Variants in CLYBL observed in about 807,000 individuals in gnomAD.
The protein encoded by CLYBL is citramalyl-CoA lyase, mitochondrial.
A neutral mutation model predicts 38.9 loss-of-function variants in CLYBL; 31 were observed. The observed-to-expected ratio is 0.80, with a 90% CI of 0.60 to 1.08. The LOEUF is 1.08. Ranked by LOEUF, CLYBL falls within the 50% of genes least tolerant of loss-of-function variation. The probability of loss-of-function intolerance (pLI) is 0.00; values close to 1 mark genes in which losing one functional copy is unlikely to be tolerated. For missense variants in CLYBL, 434 were observed against 411.6 expected, an observed-to-expected ratio of 1.05 and a Z score of -0.47; for synonymous variants, 171 against 158.6, an observed-to-expected ratio of 1.08 and a Z score of -0.59.
intron 4 of CLYBL, among the ~76,000 whole-genome samples, chr13:99,864,508 A>AAGAT (rs1159654650): frequency 6.6e-6 from 1 of 152,246 alleles, no homozygotes; most frequent in Non-Finnish European, 1.5e-5. Context: ...GAATTCTGGA[A>AAGAT]AGATATAAAT....
At chr13:99,810,645 G>T (rs964952317) in intron 2 of CLYBL, among the ~76,000 whole-genome samples, 1 of 152,110 alleles carries the variant, frequency 6.6e-6, no homozygotes, top group Non-Finnish European at 1.5e-5. Flanking sequence ...GTAATGGAAG[G>T]CTACTAAGGG....
At chr13:99,689,559 GC>G (rs2047869693) in intron 1 of CLYBL, among the ~76,000 whole-genome samples, 1 of 152,194 alleles carries the variant, frequency 6.6e-6, no homozygotes, top group Non-Finnish European at 1.5e-5. Flanking sequence ...AATCCCATGT[GC>G]CCAGTCATAT....
At chr13:99,806,502 G>A (rs76197509) in intron 2 of CLYBL, among the ~76,000 whole-genome samples, 3,377 of 152,286 alleles carry the variant, frequency 0.022, 52 homozygotes, top group East Asian at 0.075. Context: ...CCAAACACCA[G>A]AAGCAAAGGT....
At chr13:99,665,010 T>G (rs987036675) in intron 1 of CLYBL, among the ~76,000 whole-genome samples, 5 of 151,952 alleles carry the variant, frequency 3.3e-5, no homozygotes, top group Non-Finnish European at 7.4e-5. Context: ...GAAGAATGTT[T>G]TTCAATTAAA....
intron 1 of CLYBL, among the ~76,000 whole-genome samples, chr13:99,699,719 C>T (rs953767103): frequency 2.7e-5 from 4 of 146,398 alleles, no homozygotes; most frequent in African/African-American, 5.1e-5. Flanking sequence ...ATAGGCCAGG[C>T]GCAGTGGCTC....
chr13:99,737,845 A>G (rs1237791472), intron 1 of CLYBL, among the ~76,000 whole-genome samples: 1 of 152,220 alleles, frequency 6.6e-6, no homozygotes, highest in Admixed American at 6.5e-5. Flanking sequence ...TCCAACTTTT[A>G]GAAGAGGCTA....
chr13:99,709,010 T>C (rs1051960598), intron 1 of CLYBL, among the ~76,000 whole-genome samples: 1 of 151,982 alleles, frequency 6.6e-6, no homozygotes, highest in Non-Finnish European at 1.5e-5. Context: ...GGAGAACTGC[T>C]TGAACCAGGG....
At chr13:99,757,029 G>A (rs1365412503) in intron 1 of CLYBL, among the ~76,000 whole-genome samples, 2 of 151,828 alleles carry the variant, frequency 1.3e-5, no homozygotes, top group African/African-American at 4.8e-5. Context: ...CAGGAGTAGT[G>A]GGGACCATAA....
intron 1 of CLYBL, among the ~76,000 whole-genome samples, chr13:99,691,186 A>T (rs2047896690): frequency 6.6e-6 from 1 of 152,192 alleles, no homozygotes; most frequent in Non-Finnish European, 1.5e-5. Flanking sequence ...ATGTGTAAGC[A>T]CTGTAGCTTT....
At chr13:99,889,201 A>G (rs899520860) in intron 7 of CLYBL, among the ~76,000 whole-genome samples, 3 of 152,128 alleles carry the variant, frequency 2.0e-5, no homozygotes, top group Non-Finnish European at 2.9e-5. Context: ...TTCTCTGCGC[A>G]CCGTTTTGAT....
At chr13:99,816,290 G>A (rs1039113505) in intron 2 of CLYBL, among the ~76,000 whole-genome samples, 4 of 152,144 alleles carry the variant, frequency 2.6e-5, no homozygotes, top group African/African-American at 7.2e-5. Flanking sequence ...GCCAACCTTG[G>A]GACAGATATC....
chr13:99,888,805 C>T (rs1206008220), intron 7 of CLYBL, among the ~76,000 whole-genome samples: 1 of 152,094 alleles, frequency 6.6e-6, no homozygotes, highest in Non-Finnish European at 1.5e-5. Flanking sequence ...AAACCCTCCT[C>T]AAAAATCCAA....
intron 1 of CLYBL, among the ~76,000 whole-genome samples, chr13:99,619,219 G>A (rs892605811): frequency 6.6e-6 from 1 of 152,162 alleles, no homozygotes; most frequent in South Asian, 2.1e-4. Flanking sequence ...TGTGCCTCAT[G>A]AATGGGTTAG....
chr13:99,731,335 GA>G lies in CLYBL; in HGVS notation c.63-41475del, dbSNP rs543496005. Reference sequence around the variant, plus strand: ...ATATGTCTATCTTAGCCTGCTTTAAGAAAAAAAAAAAAAAGCGGCTGAGCCC... The same window carrying G: ...ATATGTCTATCTTAGCCTGCTTTAAGAAAAAAAAAAAAAGCGGCTGAGCCC... On this transcript the variant is annotated intron_variant, in intron 1 of 8. Transcript: ENST00000339105. Among the ~76,000 whole-genome samples the G allele has an allele frequency of 3.9e-3, 498 of 126,946 alleles. 1 individual carries two copies. The highest frequency in any genetic ancestry group is 0.011 in the African/African-American group (383 of 34,374). The allele number at this position is 126,946 out of a possible 152,430, so 83.3% of individuals were successfully genotyped here.
At chr13:99,723,693 T>G (rs1377030182) in intron 1 of CLYBL, among the ~76,000 whole-genome samples, 1 of 152,158 alleles carries the variant, frequency 6.6e-6, no homozygotes, top group East Asian at 1.9e-4. Context: ...CCTTAGTCTC[T>G]CTATAAGAAT....
rs1445056722 is a variant in CLYBL, at chr13:99,870,926, A to G, written c.803-12A>G. ...TTGTTTCGTGGTTCCGATGTTATTA[A>G]TATTCTTGTAGGTAAGCAGGTGATT... is the stretch of plus-strand genomic sequence containing the variant. On this transcript the variant is annotated splice_polypyrimidine_tract_variant and intron_variant, in intron 6 of 8. Transcript: ENST00000339105. 6.3e-7 allele frequency: 1 copy of G among 1,589,354 alleles called. No individual in the cohort carries two copies. Among genetic ancestry groups the G allele is most frequent in the East Asian group, 2.2e-5 (1 of 44,692 alleles).
intron 1 of CLYBL, among the ~76,000 whole-genome samples, chr13:99,672,009 G>A (rs947427812): frequency 1.3e-5 from 2 of 152,034 alleles, no homozygotes; most frequent in Admixed American, 1.3e-4. Context: ...AGGCACTACA[G>A]GCCTTCTGGG....
At chr13:99,648,447 C>T (rs1196902140) in intron 1 of CLYBL, among the ~76,000 whole-genome samples, 1 of 152,174 alleles carries the variant, frequency 6.6e-6, no homozygotes, top group African/African-American at 2.4e-5. Context: ...TCGTTGAATT[C>T]TGAAACAGCA....
chr13:99,880,193 G>A (rs1233379285), intron 7 of CLYBL, among the ~76,000 whole-genome samples: 1 of 150,768 alleles, frequency 6.6e-6, no homozygotes, highest in Admixed American at 6.6e-5. Flanking sequence ...TCAGCCTCCC[G>A]AGTAGCTGGG....
Sources: allele counts gnomAD v4.1 joint callset (sites outside exome capture counted in the v4.1 genomes callset), GRCh38; gene constraint gnomAD v4.1.1; transcripts MANE v1.5; gene names NCBI Gene and HGNC (gene_info 2026-07-23, HGNC 2026-07-21).